Variants in SV2B observed in about 807,000 individuals in gnomAD.
SV2B encodes the protein synaptic vesicle glycoprotein 2B.
SV2B carries 41 observed loss-of-function variants against 73.9 expected under a neutral mutation model. The observed-to-expected ratio is 0.56, with a 90% CI of 0.43 to 0.72. The LOEUF is 0.72. Among genes scored for constraint, SV2B ranks in the 30% least tolerant of loss-of-function variants. The probability of loss-of-function intolerance (pLI) is 0.00; values close to 1 mark genes in which losing one functional copy is unlikely to be tolerated. For missense variants in SV2B, 764 were observed against 857.8 expected, an observed-to-expected ratio of 0.89 and a Z score of 1.37; for synonymous variants, 314 against 314.2, an observed-to-expected ratio of 1.00 and a Z score of 0.01.
chr15:91,269,323 A>T (rs2048217813), intron 9 of SV2B, among the ~76,000 whole-genome samples: 1 of 152,178 alleles, frequency 6.6e-6, no homozygotes, highest in African/African-American at 2.4e-5. Context: ...CCAAGCCCAC[A>T]TTATTCACTA....
intron 1 of SV2B, among the ~76,000 whole-genome samples, chr15:91,218,935 G>A (rs554188612): frequency 6.6e-6 from 1 of 152,002 alleles, no homozygotes; most frequent in East Asian, 1.9e-4. Context: ...TTTTGGGCTT[G>A]CTTTCTTTCT....
intron 1 of SV2B, among the ~76,000 whole-genome samples, chr15:91,117,558 C>T (rs545125349): frequency 1.3e-5 from 2 of 152,220 alleles, no homozygotes; most frequent in East Asian, 1.9e-4. Flanking sequence ...CATCTCTCCA[C>T]CAGATGCTAC....
rs2048979458 is a variant in SV2B, at chr15:91,289,749, C to A, written c.1868+69C>A. ...CTTTGGCCAGAAGTCTACCTGCTCC[C>A]TAAATCTCATGCTGTGCATGGCCAT... On this transcript the variant is annotated intron_variant, in intron 12 of 12. Transcript: ENST00000394232. This position sits in a 1 kb window ranked among gnomAD's most constrained non-coding sequence, Gnocchi z 4.9. 2 of 1,524,390 alleles carry A rather than the reference C, an allele frequency of 1.3e-6. No homozygotes were observed. Among genetic ancestry groups the A allele is most frequent in the East Asian group, 2.3e-5 (1 of 43,436 alleles). The allele number at this position is 1,524,390 out of a possible 1,614,324, so 94.4% of individuals were successfully genotyped here. A position where few individuals can be genotyped will look rare whatever the true frequency, so the allele number is the denominator to read the frequency against.
chr15:91,213,779 C>T (rs80148096), intron 1 of SV2B, among the ~76,000 whole-genome samples: 5,448 of 152,108 alleles, frequency 0.036, 255 homozygotes, highest in East Asian at 0.12. Context: ...AAAAATAATA[C>T]AGTGTTATGT....
intron 1 of SV2B, among the ~76,000 whole-genome samples, chr15:91,153,924 C>T (rs2043399106): frequency 6.6e-6 from 1 of 152,014 alleles, no homozygotes; most frequent in Non-Finnish European, 1.5e-5. Context: ...TCTCTAGTCT[C>T]CTGTGGTCTG....
At chr15:91,188,283 T>TTTA (rs2044853710) in intron 1 of SV2B, among the ~76,000 whole-genome samples, 5 of 144,104 alleles carry the variant, frequency 3.5e-5, no homozygotes, top group Admixed American at 1.4e-4. Context: ...TGTTCCTTAT[T>TTTA]TTTATTTATT....
rs952409654 is a variant in SV2B, at chr15:91,197,989, C to T, written c.-391-27884C>T. Reference sequence around the variant, plus strand: ...GCTGGAGGTTACAGTGAACCGAGATCGTGCCATTACACTACAGCCTGGGCA... The same window carrying T: ...GCTGGAGGTTACAGTGAACCGAGATTGTGCCATTACACTACAGCCTGGGCA... On this transcript the variant is annotated intron_variant, in intron 1 of 12. Coordinates refer to ENST00000394232, the MANE Select transcript of SV2B (RefSeq NM_001323032.3). This position sits in a 1 kb window ranked among gnomAD's most constrained non-coding sequence, Gnocchi z 4.9. Among the ~76,000 whole-genome samples the T allele has an allele frequency of 5.3e-5, 8 of 152,124 alleles. No individual in the cohort carries two copies. The highest frequency in any genetic ancestry group is 1.7e-4 in the African/African-American group (7 of 41,414).
chr15:91,230,015 A>G (rs2046514462), intron 2 of SV2B, among the ~76,000 whole-genome samples: 1 of 152,144 alleles, frequency 6.6e-6, no homozygotes, highest in Admixed American at 6.5e-5. Flanking sequence ...CTGAGGTGGG[A>G]AGATCACTTG....
At position 91,267,512 on chromosome 15, in the gene SV2B, C is replaced by T; in HGVS notation, c.1120-43C>T. ...GCTCTTCGTGGGAGAAACAAAGTCACACATTGCTTTCTTTAACAATCCTTC... is the reference window on the plus strand; with the variant it reads ...GCTCTTCGTGGGAGAAACAAAGTCATACATTGCTTTCTTTAACAATCCTTC... On this transcript the variant is annotated intron_variant, in intron 7 of 12. Transcript: ENST00000394232. The surrounding 1 kb of genome is among the most constrained non-coding windows in gnomAD (Gnocchi z 4.3). 1 of 1,531,692 alleles carries T rather than the reference C, an allele frequency of 6.5e-7. No individual in the cohort carries two copies. Among genetic ancestry groups the T allele is most frequent in the Non-Finnish European group, 9.0e-7 (1 of 1,108,476 alleles). 94.9% of individuals were successfully genotyped at this position (1,531,692 alleles called of 1,614,324 possible).
chr15:91,173,186 G>A (rs1036493547), intron 1 of SV2B, among the ~76,000 whole-genome samples: 4 of 152,182 alleles, frequency 2.6e-5, no homozygotes, highest in Admixed American at 2.6e-4. Flanking sequence ...AGGATTCCAG[G>A]GAGAGAAAGC....
intron 6 of SV2B, among the ~76,000 whole-genome samples, chr15:91,260,618 G>A (rs191852725): frequency 1.6e-4 from 25 of 152,204 alleles, no homozygotes; most frequent in African/African-American, 6.0e-4. Context: ...TTTAAAAATG[G>A]TGCCAGGTGC....
intron 11 of SV2B, among the ~76,000 whole-genome samples, chr15:91,287,481 C>T (rs1033081571): frequency 6.6e-6 from 1 of 152,192 alleles, no homozygotes; most frequent in African/African-American, 2.4e-5. Flanking sequence ...TTGCCATGTT[C>T]TGCATCCACC....
chr15:91,180,976 T>A (rs1483520309), intron 1 of SV2B, among the ~76,000 whole-genome samples: 1 of 152,224 alleles, frequency 6.6e-6, no homozygotes, highest in Non-Finnish European at 1.5e-5. Context: ...GCTCTGCTTT[T>A]TAGAGTTTCC....
intron 1 of SV2B, among the ~76,000 whole-genome samples, chr15:91,200,717 G>A (rs978394878): frequency 3.3e-5 from 5 of 152,024 alleles, no homozygotes; most frequent in African/African-American, 4.8e-5. Context: ...GATACCAGAC[G>A]GGGCAGCATA....
rs575209674 is a variant in SV2B at position 91,214,404 on chromosome 15, T to C, written c.-391-11469T>C. Reference sequence around the variant, plus strand: ...GTGTGTGTTTATATAACAATAGCTATTTTTATTGAGCTCTTTCTTGGTGAT... The same window carrying C: ...GTGTGTGTTTATATAACAATAGCTACTTTTATTGAGCTCTTTCTTGGTGAT... On this transcript the variant is annotated intron_variant, in intron 1 of 12. Transcript: ENST00000394232. The surrounding 1 kb of genome is among the most constrained non-coding windows in gnomAD (Gnocchi z 4.7). Among the ~76,000 whole-genome samples the C allele has an allele frequency of 2.6e-5, 4 of 152,348 alleles. No individual in the cohort carries two copies. In the South Asian group the frequency reaches 8.3e-4, roughly 32 times the overall value.
chr15:91,261,924 T>C lies in SV2B; in HGVS notation c.1008+1515T>C, dbSNP rs1436510643. ...TCTTTGTGCACCCGTTTTTATAACT[T>C]CCCCTACTTCAAATCCATTTTCTCA... On this transcript the variant is annotated intron_variant, in intron 6 of 12. Transcript: ENST00000394232. This position sits in a 1 kb window ranked among gnomAD's most constrained non-coding sequence, Gnocchi z 4.7. 1.3e-5 allele frequency among the ~76,000 whole-genome samples: 2 copies of C among 152,206 alleles called. No individual in the cohort carries two copies. The highest frequency in any genetic ancestry group is 4.8e-5 in the African/African-American group (2 of 41,456).
Position 91,253,495 on chromosome 15 carries a change from G to C in SV2B, c.784+975G>C, listed in dbSNP as rs893668783. 1.6e-4 allele frequency among the ~76,000 whole-genome samples: 24 copies of C among 152,324 alleles called. No homozygotes were observed. The highest frequency in any genetic ancestry group is 5.5e-4 in the African/African-American group (23 of 41,572). The stretch of plus-strand genomic sequence containing the variant: ...ACCTACTGTATTAGTTAAGGTGTTG[G>C]ACACTGGGTACATTACCTTGACAAG... On this transcript the variant is annotated intron_variant, in intron 4 of 12. Coordinates refer to ENST00000394232, the MANE Select transcript of SV2B (RefSeq NM_001323032.3). The surrounding 1 kb of genome is among the most constrained non-coding windows in gnomAD (Gnocchi z 5.0).
chr15:91,248,177 C>T (rs1196353605), intron 2 of SV2B, among the ~76,000 whole-genome samples: 9 of 152,108 alleles, frequency 5.9e-5, no homozygotes, highest in Admixed American at 1.3e-4. Context: ...AAAAATTAGC[C>T]GGGCGTGGTG....
chr15:91,244,257 T>A (rs531529045), intron 2 of SV2B, among the ~76,000 whole-genome samples: 2 of 152,364 alleles, frequency 1.3e-5, no homozygotes, highest in East Asian at 3.9e-4. Flanking sequence ...GTGTCTTACA[T>A]ATGGCAGGAG....
Sources: allele counts gnomAD v4.1 joint callset (sites outside exome capture counted in the v4.1 genomes callset), GRCh38; gene constraint gnomAD v4.1.1; non-coding constraint Gnocchi (gnomAD v3.1); transcripts MANE v1.5; gene names NCBI Gene and HGNC (gene_info 2026-07-23, HGNC 2026-07-21).